DCAF5: variants seen among roughly 807,000 people sequenced by gnomAD.
DCAF5 encodes DDB1 and CUL4 associated factor 5, also known as DDB1- and CUL4-associated factor 5.
A neutral mutation model predicts 80.7 loss-of-function variants in DCAF5; 9 were observed. The ratio of observed to expected loss-of-function variants is 0.11; its 90% CI spans 0.07 to 0.19. The LOEUF (loss-of-function observed/expected upper bound fraction) is 0.19, where lower values mean the gene tolerates loss of function less well. Among genes scored for constraint, DCAF5 ranks in the 10% least tolerant of loss-of-function variants. The pLI is 1.00. For missense variants in DCAF5, 842 were observed against 1,205.7 expected, an observed-to-expected ratio of 0.70 and a Z score of 4.47; for synonymous variants, 433 against 461.9, an observed-to-expected ratio of 0.94 and a Z score of 0.80.
chr14:69,054,614 T>A lies in DCAF5; in HGVS notation c.2072A>T (p.Glu691Val). The change falls in exon 9 of 9, where the codon GAA becomes GTA. Residue 691 changes from glutamate to valine, a missense_variant. Around this residue, in one of 5 missense-constraint regions of DCAF5, gnomAD observed 607 missense variants for 656.6 expected, o/e 0.92. Transcript: ENST00000341516. ...TTTGTGGCTGGTTCCTGCTCTCCCT[T>A]CATCTGCCTCCCCGGTCACCAAGGA... ...ETSLVTGEAD[E>V]GRAGTSHKDN... 1 of 1,614,180 alleles carries A rather than the reference T, an allele frequency of 6.2e-7. No homozygotes were observed. Among genetic ancestry groups the A allele is most frequent in the Non-Finnish European group, 8.5e-7 (1 of 1,180,002 alleles).
Position 69,053,700 on chromosome 14 carries a change from G to A in DCAF5, c.*157C>T. 1 of 666,040 alleles carries A rather than the reference G, an allele frequency of 1.5e-6. No individual in the cohort carries two copies. The highest frequency in any genetic ancestry group is 2.4e-6 in the Non-Finnish European group (1 of 410,928). 41.3% of individuals were successfully genotyped at this position (666,040 alleles called of 1,614,324 possible). On this transcript the variant is annotated 3_prime_UTR_variant, in exon 9 of 9. Transcript: ENST00000341516. ...CAGCTAGACATTCAGACCCGTTGTT[G>A]AATGTTGGATAGAAGGGAGCAGCAT...
At chr14:69,079,089 T>C (rs2039006406) in intron 6 of DCAF5, among the ~76,000 whole-genome samples, 1 of 151,950 alleles carries the variant, frequency 6.6e-6, no homozygotes, top group Non-Finnish European at 1.5e-5. Flanking sequence ...CTGCCCCCCA[T>C]ACCACTGCAA....
intron 5 of DCAF5, among the ~76,000 whole-genome samples, chr14:69,115,467 A>G (rs933959799): frequency 1.3e-5 from 2 of 152,212 alleles, no homozygotes; most frequent in African/African-American, 4.8e-5. Flanking sequence ...ATAAATTATA[A>G]CATCACTTAG....
chr14:69,084,682 T>A lies in DCAF5; in HGVS notation c.879+6992A>T, dbSNP rs1291784716. 4 of 1,267,438 alleles carry A rather than the reference T, an allele frequency of 3.2e-6. No individual in the cohort carries two copies. The African/African-American group carries it at 6.0e-5, about 19-fold the overall frequency. 78.5% of individuals were successfully genotyped at this position (1,267,438 alleles called of 1,614,324 possible). On this transcript the variant is annotated intron_variant, in intron 6 of 8. Transcript: ENST00000341516. ...AGCTTATGGCCTTCTTTTCATCTTG[T>A]ATGTCCGTGAAATACCACTATGAGT... is the stretch of plus-strand genomic sequence containing the variant.
rs35359938 is a variant in DCAF5, at chr14:69,136,113, CTTTTT to C, written c.215-13758_215-13754del. ...CTTTTATAAAAACTGATGTGTAAAA[CTTTTT>C]TTTTTTTTTTTTTTGGATACAGGGT... On this transcript the variant is annotated intron_variant, in intron 1 of 8. Transcript: ENST00000341516. 8.5e-3 allele frequency among the ~76,000 whole-genome samples: 1,067 copies of C among 125,296 alleles called. 11 individuals are homozygous for C. Among genetic ancestry groups the C allele is most frequent in the African/African-American group, 0.03 (1,004 of 33,362 alleles). 82.2% of individuals were successfully genotyped at this position (125,296 alleles called of 152,430 possible).
intron 1 of DCAF5, among the ~76,000 whole-genome samples, chr14:69,129,165 T>A (rs374498280): frequency 6.6e-6 from 1 of 152,156 alleles, no homozygotes; most frequent in East Asian, 1.9e-4. Context: ...AAATGATGTG[T>A]CCTTAGTAAC....
intron 1 of DCAF5, among the ~76,000 whole-genome samples, chr14:69,148,895 C>A (rs1429759492): frequency 6.6e-6 from 1 of 152,194 alleles, no homozygotes; most frequent in Non-Finnish European, 1.5e-5. Context: ...CAACTCAAAT[C>A]ACATGACATC....
At chr14:69,121,760 C>CA (rs1254908707) in intron 2 of DCAF5, among the ~76,000 whole-genome samples, 2 of 152,110 alleles carry the variant, frequency 1.3e-5, no homozygotes, top group Non-Finnish European at 2.9e-5. Flanking sequence ...GAGCACCAGC[C>CA]ATTCCAATTG....
chr14:69,065,558 G>A (rs969244374), intron 7 of DCAF5, among the ~76,000 whole-genome samples: 4 of 152,174 alleles, frequency 2.6e-5, no homozygotes, highest in African/African-American at 9.7e-5. Flanking sequence ...TTTGTTTAAG[G>A]TAACCAAGAC....
At chr14:69,097,576 A>G (rs1022669514) in intron 5 of DCAF5, among the ~76,000 whole-genome samples, 14 of 107,326 alleles carry the variant, frequency 1.3e-4, no homozygotes, top group Admixed American at 1.3e-3. Flanking sequence ...GATTATTATT[A>G]TTATTATTTT....
intron 5 of DCAF5, among the ~76,000 whole-genome samples, chr14:69,094,630 G>T (rs1195440191): frequency 6.6e-6 from 1 of 152,128 alleles, no homozygotes; most frequent in Non-Finnish European, 1.5e-5. Context: ...ATCAGCAGGG[G>T]TCTACAGCTG....
In DCAF5 at chr14:69,055,357, G is replaced by C. The variant is rs375050597; in HGVS notation, c.1329C>G (p.Ile443Met). The part of the protein sequence containing the change: ...DSDSDLSEST[I>M]LQLHAGVSER... ...CGCTGACCCCAGCGTGCAGTTGGAG[G>C]ATAGTACTCTCACTGAGGTCACTGT... The change falls in exon 9 of 9, where the codon ATC (isoleucine) becomes ATG (methionine). Residue 443 changes from isoleucine to methionine, a missense_variant. This residue lies in a region of DCAF5 where 607 missense variants were observed against 656.6 expected (regional missense o/e 0.92). Coordinates refer to ENST00000341516, the MANE Select transcript of DCAF5 (RefSeq NM_003861.3). This position sits in a 1 kb window ranked among gnomAD's most constrained non-coding sequence, Gnocchi z 5.6. 1.1e-4 allele frequency: 171 copies of C among 1,614,046 alleles called. No homozygotes were observed. Among genetic ancestry groups the C allele is most frequent in the Non-Finnish European group, 1.4e-4 (164 of 1,180,044 alleles).
intron 1 of DCAF5, among the ~76,000 whole-genome samples, chr14:69,151,170 C>T (rs986169008): frequency 6.6e-6 from 1 of 152,046 alleles, no homozygotes; most frequent in African/African-American, 2.4e-5. Context: ...AAATTTTATA[C>T]GGTGCTGTGG....
intron 7 of DCAF5, among the ~76,000 whole-genome samples, chr14:69,065,533 G>A (rs551343095): frequency 6.6e-6 from 1 of 152,324 alleles, no homozygotes; most frequent in South Asian, 2.1e-4. Flanking sequence ...GGTACAGGCA[G>A]AATTATAGTG....
intron 5 of DCAF5, among the ~76,000 whole-genome samples, chr14:69,113,877 C>G (rs1461686676): frequency 6.6e-6 from 1 of 152,124 alleles, no homozygotes; most frequent in Non-Finnish European, 1.5e-5. Flanking sequence ...AATGCAAAAA[C>G]ATCCTAGTCC....
At position 69,054,794 on chromosome 14, in the gene DCAF5, G is replaced by C; in HGVS notation, c.1892C>G (p.Ser631Trp). Residue 631 changes from serine (S) to tryptophan (W), a missense_variant, in exon 9 of 9, where the codon TCG becomes TGG. Physicochemically the swap from Ser to Trp is radical, Grantham distance 177. This residue lies in a region of DCAF5 where 607 missense variants were observed against 656.6 expected (regional missense o/e 0.92). Transcript: ENST00000341516. ...KVDDLSSSPT[S>W]SPERSTSTLE... ...CGTGGAAGTGCTCCGCTCAGGGGACGAGGTTGGGGAGGAGGAGAGGTCATC... is the reference window on the plus strand; with the variant it reads ...CGTGGAAGTGCTCCGCTCAGGGGACCAGGTTGGGGAGGAGGAGAGGTCATC... 1.9e-6 allele frequency: 3 copies of C among 1,614,276 alleles called. No homozygotes were observed. The South Asian group carries it at 3.3e-5, about 18-fold the overall frequency.
chr14:69,128,091 G>C (rs1056272529), intron 1 of DCAF5, among the ~76,000 whole-genome samples: 5 of 151,170 alleles, frequency 3.3e-5, no homozygotes, highest in African/African-American at 9.7e-5. Context: ...AAACTTTCCA[G>C]AAAAAAAAGT....
At chr14:69,098,256 G>A (rs1194918361) in intron 5 of DCAF5, among the ~76,000 whole-genome samples, 2 of 152,132 alleles carry the variant, frequency 1.3e-5, no homozygotes, top group Non-Finnish European at 2.9e-5. Flanking sequence ...AGCCTAGAAT[G>A]TTCCTCCCTA....
chr14:69,062,282 TTAG>T, intron 8 of DCAF5, 99 bp downstream of exon 8: 1 of 1,240,320 alleles, frequency 8.1e-7, no homozygotes, highest in Non-Finnish European at 1.1e-6. Context: ...TGATAGACCT[TTAG>T]TATGTTTAAA....
Sources: allele counts gnomAD v4.1 joint callset (sites outside exome capture counted in the v4.1 genomes callset), GRCh38; gene constraint gnomAD v4.1.1; regional missense constraint gnomAD v4.1.1; non-coding constraint Gnocchi (gnomAD v3.1); transcripts MANE v1.5; gene names NCBI Gene and HGNC (gene_info 2026-07-23, HGNC 2026-07-21).